The following GRHL2 variants were observed in gnomAD, a reference collection of about 807,000 sequenced individuals.
The protein encoded by GRHL2 is grainyhead like transcription factor 2.
A neutral mutation model predicts 83.8 loss-of-function variants in GRHL2; 21 were observed. The observed-to-expected ratio is 0.25, with a 90% confidence interval of 0.18 to 0.36. GRHL2 has a LOEUF of 0.36. Ranked by LOEUF, GRHL2 falls within the 10% of genes least tolerant of loss-of-function variation. The pLI is 1.00. For missense variants in GRHL2, 623 were observed against 781.8 expected, an observed-to-expected ratio of 0.80 and a Z score of 2.42; for synonymous variants, 280 against 278.9, an observed-to-expected ratio of 1.00 and a Z score of -0.04.
chr8:101,530,464 T>C (rs1055621761), intron 1 of GRHL2, among the ~76,000 whole-genome samples: 67 of 152,242 alleles, frequency 4.4e-4, no homozygotes, highest in African/African-American at 1.6e-3. Flanking sequence ...TTCTTTCCTT[T>C]AAAAATCATA....
At chr8:101,614,722 G>T (rs1178655437) in intron 8 of GRHL2, among the ~76,000 whole-genome samples, 1 of 152,144 alleles carries the variant, frequency 6.6e-6, no homozygotes, top group Non-Finnish European at 1.5e-5. Context: ...GACATGGTTG[G>T]GTTTGCAAGA....
downstream of GRHL2, among the ~76,000 whole-genome samples, chr8:101,671,968 C>G (rs1235755584): frequency 2.0e-5 from 3 of 152,110 alleles, no homozygotes; most frequent in African/African-American, 7.3e-5. Context: ...TTCTAGCAAA[C>G]TCCAACAGAC....
chr8:101,675,646 A>G, the GRHL2 span, among the ~76,000 whole-genome samples: 2 of 152,210 alleles, frequency 1.3e-5, no homozygotes, highest in Non-Finnish European at 2.9e-5. Context: ...AAGGTAATTT[A>G]TAGACTCAAC....
the GRHL2 span, among the ~76,000 whole-genome samples, chr8:101,680,712 T>C: frequency 1.9e-4 from 24 of 129,716 alleles, 5 homozygotes; most frequent in African/African-American, 7.3e-4. Context: ...AGAACAGAGA[T>C]TATAATAAAC....
In GRHL2 at chr8:101,501,432, T is replaced by G. The variant is rs187423455; in HGVS notation, c.20+8643T>G. Reference sequence around the variant, plus strand: ...AACCCTGAGAGCCAGAGTCCCTTCTTTTTTAAGGCCCATGAATTTAGATCA... The same window carrying G: ...AACCCTGAGAGCCAGAGTCCCTTCTGTTTTAAGGCCCATGAATTTAGATCA... On this transcript the variant is annotated intron_variant, in intron 1 of 15. Transcript: ENST00000646743. Among the ~76,000 whole-genome samples, 76 of 152,300 alleles carry G rather than the reference T, an allele frequency of 5.0e-4. 1 individual carries two copies. In the East Asian group the frequency reaches 0.014, roughly 28 times the overall value.
chr8:101,614,940 T>C (rs1812823977), intron 8 of GRHL2, among the ~76,000 whole-genome samples: 1 of 152,168 alleles, frequency 6.6e-6, no homozygotes, highest in South Asian at 2.1e-4. Flanking sequence ...GAGGAAACAA[T>C]GCCAACCCTA....
intron 2 of GRHL2, among the ~76,000 whole-genome samples, chr8:101,551,810 A>G (rs1361430721): frequency 6.7e-6 from 1 of 150,206 alleles, no homozygotes; most frequent in African/African-American, 2.5e-5. Context: ...CACTTTTTCA[A>G]TATTTTTCAG....
chr8:101,664,433 T>C (rs747690899), intron 14 of GRHL2, 21 bp from the exon 15 acceptor site: 79 of 1,601,374 alleles, frequency 4.9e-5, no homozygotes, highest in Non-Finnish European at 6.3e-5. Flanking sequence ...CTCATCTGCC[T>C]TCTTGTTATT....
intron 2 of GRHL2, 134 bp downstream of exon 2, chr8:101,543,570 C>T: frequency 1.2e-6 from 1 of 810,606 alleles, no homozygotes; most frequent in Non-Finnish European, 2.1e-6. Context: ...AATTCAGCCT[C>T]TTCCTGTTCT....
chr8:101,543,144 A>G (rs912391872), intron 1 of GRHL2, 97 bp from the exon 2 acceptor site: 1 of 942,734 alleles, frequency 1.1e-6, no homozygotes, highest in African/African-American at 1.6e-5. Flanking sequence ...CTGGGGAAAT[A>G]AAAATTAATG....
At chr8:101,634,726 G>A (rs1276161404) in intron 11 of GRHL2, among the ~76,000 whole-genome samples, 1 of 152,196 alleles carries the variant, frequency 6.6e-6, no homozygotes, top group Admixed American at 6.5e-5. Flanking sequence ...TGGGGCAGCA[G>A]TCCTTGTTCA....
chr8:101,550,090 A>C (rs753859986), intron 2 of GRHL2, among the ~76,000 whole-genome samples: 2 of 150,692 alleles, frequency 1.3e-5, no homozygotes, highest in African/African-American at 4.9e-5. Flanking sequence ...ATGCCAGTGG[A>C]ATTTCTTTCT....
At position 101,638,151 on chromosome 8, in the gene GRHL2, T is replaced by C. The variant is rs1487828519; in HGVS notation, c.1517+1223T>C. On this transcript the variant is annotated intron_variant, in intron 12 of 15. Coordinates refer to ENST00000646743, the MANE Select transcript of GRHL2 (RefSeq NM_024915.4). ...TGTGTGTCACTAAAATCTTTAGATG[T>C]TTTTTCTTCAAACTACAGTCAAACC... Among the ~76,000 whole-genome samples the C allele has an allele frequency of 2.0e-5, 3 of 152,312 alleles. No homozygotes were observed. In the East Asian group the frequency reaches 5.8e-4, roughly 29 times the overall value.
At chr8:101,661,414 C>T (rs534663058) in intron 14 of GRHL2, among the ~76,000 whole-genome samples, 53 of 152,174 alleles carry the variant, frequency 3.5e-4, no homozygotes, top group Non-Finnish European at 1.5e-4. Flanking sequence ...CAGGACACCT[C>T]CCCCAAACTC....
intron 1 of GRHL2, among the ~76,000 whole-genome samples, chr8:101,525,785 A>G (rs1188327451): frequency 2.0e-5 from 3 of 152,148 alleles, no homozygotes; most frequent in Non-Finnish European, 2.9e-5. Context: ...CCTGGCCAAC[A>G]TGGTAAAACC....
chr8:101,507,514 A>G (rs1157239202), intron 1 of GRHL2, among the ~76,000 whole-genome samples: 2 of 152,058 alleles, frequency 1.3e-5, no homozygotes, highest in African/African-American at 4.8e-5. Flanking sequence ...TGAAATCTAT[A>G]TTTTTACTCC....
chr8:101,636,734 C>CACAA (rs1813294701), intron 11 of GRHL2, 163 bp from the exon 12 acceptor site: 4 of 648,282 alleles, frequency 6.2e-6, no homozygotes, highest in Non-Finnish European at 1.1e-5. Context: ...TACACACACA[C>CACAA]ACACACACAC....
At chr8:101,618,718 A>G (rs1249653261) in intron 8 of GRHL2, among the ~76,000 whole-genome samples, 1 of 152,064 alleles carries the variant, frequency 6.6e-6, no homozygotes, top group East Asian at 1.9e-4. Flanking sequence ...GGCACTAGGT[A>G]CCAGTAATAC....
intron 12 of GRHL2, among the ~76,000 whole-genome samples, chr8:101,639,192 G>A (rs989020488): frequency 6.6e-5 from 10 of 152,148 alleles, no homozygotes; most frequent in African/African-American, 2.2e-4. Flanking sequence ...TGACTTCTCT[G>A]TGTTGGCTCA....
Sources: allele counts gnomAD v4.1 joint callset (sites outside exome capture counted in the v4.1 genomes callset), GRCh38; gene constraint gnomAD v4.1.1; transcripts MANE v1.5; gene names NCBI Gene and HGNC (gene_info 2026-07-23, HGNC 2026-07-21).